Variants in SMAP1 observed in about 807,000 individuals in gnomAD.
SMAP1 encodes stromal membrane-associated protein 1.
Under a neutral mutation model 58.5 loss-of-function variants are expected in SMAP1, and 24 were observed. The observed-to-expected ratio is 0.41, with a 90% CI of 0.30 to 0.58. SMAP1 has a LOEUF of 0.58. Among genes scored for constraint, SMAP1 ranks in the 20% least tolerant of loss-of-function variants. SMAP1 has a pLI of 0.29. For synonymous variants in SMAP1, 216 were observed against 196.6 expected, an observed-to-expected ratio of 1.10 and a Z score of -0.82; for missense variants, 563 against 566.3, an observed-to-expected ratio of 0.99 and a Z score of 0.06.
intron 1 of SMAP1, among the ~76,000 whole-genome samples, chr6:70,710,602 T>C (rs909097110): frequency 1.3e-5 from 2 of 151,340 alleles, no homozygotes; most frequent in Non-Finnish European, 2.9e-5. Flanking sequence ...AGTGAGTGAA[T>C]AGTGAATGAA....
At chr6:70,672,854 G>T (rs1165074498) in intron 1 of SMAP1, among the ~76,000 whole-genome samples, 2 of 151,854 alleles carry the variant, frequency 1.3e-5, no homozygotes, top group Admixed American at 1.3e-4. Context: ...GATAGAGAAG[G>T]AATTAAAGGA....
At chr6:70,691,715 G>A (rs558982857) in intron 1 of SMAP1, among the ~76,000 whole-genome samples, 1 of 152,288 alleles carries the variant, frequency 6.6e-6, no homozygotes, top group South Asian at 2.1e-4. Flanking sequence ...TGAGAAGTTT[G>A]TCTTTCTGTG....
chr6:70,747,213 A>T (rs1766079908), intron 2 of SMAP1, among the ~76,000 whole-genome samples: 2 of 152,164 alleles, frequency 1.3e-5, no homozygotes, highest in African/African-American at 2.4e-5. Context: ...ATATTGTATT[A>T]TCTGGTCATA....
At chr6:70,780,746 A>C (rs1767729508) in intron 4 of SMAP1, among the ~76,000 whole-genome samples, 1 of 152,200 alleles carries the variant, frequency 6.6e-6, no homozygotes, top group African/African-American at 2.4e-5. Context: ...TTCCTCCAGT[A>C]GCTTTTCTCT....
At chr6:70,757,999 A>G (rs1766575770) in intron 3 of SMAP1, among the ~76,000 whole-genome samples, 1 of 152,000 alleles carries the variant, frequency 6.6e-6, no homozygotes, top group South Asian at 2.1e-4. Flanking sequence ...ATACCATTTG[A>G]CCCAGCCATC....
chr6:70,756,495 A>G (rs1201457070), intron 3 of SMAP1, among the ~76,000 whole-genome samples: 2 of 152,114 alleles, frequency 1.3e-5, no homozygotes, highest in African/African-American at 4.8e-5. Flanking sequence ...GGTTAATGGT[A>G]GAAGGTTCAT....
intron 6 of SMAP1, among the ~76,000 whole-genome samples, chr6:70,828,263 T>G (rs1770220664): frequency 6.6e-6 from 1 of 152,134 alleles, no homozygotes; most frequent in Non-Finnish European, 1.5e-5. Context: ...ACTGAAAATT[T>G]TAGTAAAGGT....
intron 1 of SMAP1, among the ~76,000 whole-genome samples, chr6:70,671,942 C>T (rs1766283454): frequency 6.6e-6 from 1 of 152,188 alleles, no homozygotes; most frequent in Non-Finnish European, 1.5e-5. Flanking sequence ...AAGTGAGTCT[C>T]TTGCCCATTC....
chr6:70,785,115 AG>A (rs1197100867), intron 4 of SMAP1, among the ~76,000 whole-genome samples: 1 of 152,262 alleles, frequency 6.6e-6, no homozygotes, highest in African/African-American at 2.4e-5. Flanking sequence ...CTCAGACCAC[AG>A]TGCAATCAAA....
At chr6:70,699,799 GGGCTCCTCTTT>G (rs997586957) in intron 1 of SMAP1, among the ~76,000 whole-genome samples, 1 of 151,906 alleles carries the variant, frequency 6.6e-6, no homozygotes, top group Non-Finnish European at 1.5e-5. Flanking sequence ...TCAAGGCAGT[GGGCTCCTCTTT>G]GGCCCAGGGT....
chr6:70,731,194 G>C (rs1001317101), intron 1 of SMAP1, among the ~76,000 whole-genome samples: 28 of 152,030 alleles, frequency 1.8e-4, no homozygotes, highest in African/African-American at 5.8e-4. Flanking sequence ...CTGAATATTT[G>C]GCATATTTTC....
At chr6:70,712,797 C>CTTTTT (rs576020234) in intron 1 of SMAP1, among the ~76,000 whole-genome samples, 1 of 123,554 alleles carries the variant, frequency 8.1e-6, no homozygotes, top group African/African-American at 3.1e-5. Flanking sequence ...TTTTTCTTTT[C>CTTTTT]TTTTTTTTTT....
At chr6:70,858,281 C>G in intron 10 of SMAP1, 52 bp downstream of exon 10, 1 of 277,960 alleles carries the variant, frequency 3.6e-6, no homozygotes. Context: ...GATTTATTTT[C>G]TAAATCTTTT....
At chr6:70,807,306 T>TC (rs1334799706) in intron 6 of SMAP1, among the ~76,000 whole-genome samples, 2 of 152,228 alleles carry the variant, frequency 1.3e-5, no homozygotes, top group Non-Finnish European at 2.9e-5. Context: ...TTACTTTTTT[T>TC]CTGGGAGGAG....
intron 6 of SMAP1, among the ~76,000 whole-genome samples, chr6:70,810,640 G>C (rs1769346317): frequency 6.6e-6 from 1 of 152,086 alleles, no homozygotes; most frequent in Non-Finnish European, 1.5e-5. Context: ...GCAGTGGTGT[G>C]ATCATAGCTC....
At chr6:70,843,007 T>C (rs1216086385) in intron 7 of SMAP1, among the ~76,000 whole-genome samples, 1 of 152,026 alleles carries the variant, frequency 6.6e-6, no homozygotes, top group Non-Finnish European at 1.5e-5. Flanking sequence ...GCTAGGAAAA[T>C]AGTATTCATC....
intron 3 of SMAP1, among the ~76,000 whole-genome samples, chr6:70,764,729 C>A (rs1172530545): frequency 6.6e-6 from 1 of 152,218 alleles, no homozygotes; most frequent in African/African-American, 2.4e-5. Flanking sequence ...GATACACAAA[C>A]ATGTTGTTTC....
chr6:70,767,162 G>T lies in SMAP1; in HGVS notation c.339-6188G>T, dbSNP rs974882856. On this transcript the variant is annotated intron_variant, in intron 3 of 10. Coordinates refer to ENST00000370455, the MANE Select transcript of SMAP1 (RefSeq NM_001044305.3). ...TTGGTTACTGTAGCCTTGTAGTATA[G>T]TTTGAAGTCAGGTAGCGTGATGCCT... Among the ~76,000 whole-genome samples, 14 of 152,168 alleles carry T rather than the reference G, an allele frequency of 9.2e-5. No homozygotes were observed. In the East Asian group the frequency reaches 1.4e-3, roughly 15 times the overall value.
At chr6:70,791,801 T>C (rs532461504) in intron 5 of SMAP1, 32 bp downstream of exon 5, 1 of 1,560,920 alleles carries the variant, frequency 6.4e-7, no homozygotes, top group East Asian at 2.2e-5. Flanking sequence ...CTACATTATG[T>C]AGTGTTAAAT....
Sources: allele counts gnomAD v4.1 joint callset (sites outside exome capture counted in the v4.1 genomes callset), GRCh38; gene constraint gnomAD v4.1.1; transcripts MANE v1.5; gene names NCBI Gene and HGNC (gene_info 2026-07-23, HGNC 2026-07-21).